NFE2L2: variants seen among roughly 807,000 people sequenced by gnomAD.
NFE2L2 encodes nuclear factor erythroid 2-related factor 2.
In NFE2L2, 20 loss-of-function variants were observed where a neutral mutation model predicts 49.6. The ratio of observed to expected loss-of-function variants is 0.40; its 90% confidence interval spans 0.28 to 0.59. NFE2L2 has a LOEUF of 0.59. NFE2L2 is among the 20% of genes least tolerant of loss of function. The probability of loss-of-function intolerance (pLI) is 0.40; values close to 1 mark genes in which losing one functional copy is unlikely to be tolerated. For synonymous variants in NFE2L2, 244 were observed against 256.5 expected (o/e 0.95, Z 0.47); for missense variants, 578 against 714.2 (o/e 0.81, Z 2.17).
chr2:177,239,949 TAAAAAA>T (rs57941264), intron 1 of NFE2L2, among the ~76,000 whole-genome samples: 2 of 135,438 alleles, frequency 1.5e-5, no homozygotes, highest in African/African-American at 2.7e-5. Context: ...AGCTTTATGT[TAAAAAA>T]AAAAAAAAAA....
At chr2:177,251,339 T>G (rs1690330388) in intron 1 of NFE2L2, among the ~76,000 whole-genome samples, 1 of 152,198 alleles carries the variant, frequency 6.6e-6, no homozygotes, top group African/African-American at 2.4e-5. Flanking sequence ...GCATTCCCAC[T>G]TTCTACAAAC....
chr2:177,263,426 T>TC, intron 1 of NFE2L2: 7 of 985,468 alleles, frequency 7.1e-6, no homozygotes, highest in Non-Finnish European at 8.4e-6. Flanking sequence ...GAAGAGAATA[T>TC]CCCGTCTTAC....
At chr2:177,256,928 A>G (rs889254945) in intron 1 of NFE2L2, among the ~76,000 whole-genome samples, 1 of 152,220 alleles carries the variant, frequency 6.6e-6, no homozygotes, top group African/African-American at 2.4e-5. Flanking sequence ...AAGCCCCCCA[A>G]CCACCACCAC....
At chr2:177,233,383 T>C in intron 2 of NFE2L2, 44 bp from the exon 3 acceptor site, 1 of 1,412,978 alleles carries the variant, frequency 7.1e-7, no homozygotes, top group Non-Finnish European at 9.9e-7. Flanking sequence ...AATGGTTAAA[T>C]ATTCCATTGC....
intron 1 of NFE2L2, among the ~76,000 whole-genome samples, chr2:177,248,615 G>A (rs1032452596): frequency 3.3e-5 from 5 of 152,138 alleles, no homozygotes; most frequent in African/African-American, 9.7e-5. Context: ...CTCCATGTTG[G>A]TCAGGCTGGT....
At chr2:177,252,403 A>G (rs2105483782) in intron 1 of NFE2L2, among the ~76,000 whole-genome samples, 1 of 152,308 alleles carries the variant, frequency 6.6e-6, no homozygotes, top group East Asian at 1.9e-4. Flanking sequence ...GCTCACAGGA[A>G]AAGCTCATAG....
At chr2:177,256,678 T>TA (rs1419221106) in intron 1 of NFE2L2, among the ~76,000 whole-genome samples, 4 of 152,162 alleles carry the variant, frequency 2.6e-5, no homozygotes, top group Non-Finnish European at 4.4e-5. Context: ...TTCAAAATCT[T>TA]AAAGCAACAA....
At chr2:177,244,899 A>G (rs937777495) in intron 1 of NFE2L2, among the ~76,000 whole-genome samples, 2 of 145,804 alleles carry the variant, frequency 1.4e-5, no homozygotes, top group African/African-American at 5.1e-5. Context: ...GCTACTTGGG[A>G]GGCTGAGGCA....
chr2:177,231,399 C>A lies in NFE2L2; in HGVS notation c.1204G>T (p.Asp402Tyr), dbSNP rs749922065. ...GPKTPVHSSGDMVQPLSPSQG... is the reference protein window; with the variant it reads ...GPKTPVHSSGYMVQPLSPSQG... ...GATGGTGACAAGGGTTGTACCATAT[C>A]CCCAGAAGAATGTACTGGTGTTTTA... The change falls in exon 5 of 5, where the codon GAT becomes TAT. Residue 402 changes from aspartate to tyrosine, a missense_variant. Asp to Tyr is a radical substitution (Grantham distance 160, BLOSUM62 -3). This residue lies in a region of NFE2L2 where 368 missense variants were observed against 384.6 expected (regional missense o/e 0.96). Coordinates refer to ENST00000397062, the MANE Select transcript of NFE2L2 (RefSeq NM_006164.5). 2 of 1,614,120 alleles carry A rather than the reference C, an allele frequency of 1.2e-6. No homozygotes were observed. The highest frequency in any genetic ancestry group is 8.5e-7 in the Non-Finnish European group (1 of 1,180,046).
intron 1 of NFE2L2, among the ~76,000 whole-genome samples, chr2:177,251,666 G>T (rs988983423): frequency 5.9e-5 from 9 of 152,104 alleles, no homozygotes; most frequent in South Asian, 2.1e-4. Flanking sequence ...AGAATGAGAG[G>T]TTTATAGCAA....
At chr2:177,232,050 T>C in intron 4 of NFE2L2, 42 bp from the exon 5 acceptor site, 1 of 1,517,818 alleles carries the variant, frequency 6.6e-7, no homozygotes. Flanking sequence ...TCAAAGTTAA[T>C]CCATGATAAT....
intron 1 of NFE2L2, among the ~76,000 whole-genome samples, chr2:177,243,997 T>TA (rs1207694039): frequency 0.025 from 3,581 of 140,884 alleles, 91 homozygotes; most frequent in African/African-American, 0.065. Flanking sequence ...CACTTAGCTT[T>TA]AAAAAAAAAA....
chr2:177,261,901 G>A (rs1029079448), intron 1 of NFE2L2, among the ~76,000 whole-genome samples: 1 of 152,076 alleles, frequency 6.6e-6, no homozygotes, highest in African/African-American at 2.4e-5. Flanking sequence ...GTACTTGTTG[G>A]GTTCCTTTTT....
chr2:177,251,778 G>C (rs1690348198), intron 1 of NFE2L2, among the ~76,000 whole-genome samples: 1 of 152,064 alleles, frequency 6.6e-6, no homozygotes, highest in South Asian at 2.1e-4. Flanking sequence ...GGCCGAGGTG[G>C]GCGGATCACG....
chr2:177,241,830 G>A lies in NFE2L2; in HGVS notation c.46-7559C>T, dbSNP rs549488232. ...TGATCATGTACTGCCCTCCAGCCCT[G>A]TCTTAAAACAAAACAAAAGCAAAAA... On this transcript the variant is annotated intron_variant, in intron 1 of 4. Transcript: ENST00000397062. Among the ~76,000 whole-genome samples, 8 of 152,292 alleles carry A rather than the reference G, an allele frequency of 5.3e-5. No individual in the cohort carries two copies. The South Asian group carries it at 1.7e-3, about 32-fold the overall frequency.
intron 1 of NFE2L2, among the ~76,000 whole-genome samples, chr2:177,247,538 A>G (rs1690175306): frequency 6.6e-6 from 1 of 151,946 alleles, no homozygotes. Context: ...GCGGGAGCCT[A>G]TAATCTCAGC....
chr2:177,236,948 G>C (rs1253097890), intron 1 of NFE2L2, among the ~76,000 whole-genome samples: 1 of 151,904 alleles, frequency 6.6e-6, no homozygotes, highest in Admixed American at 6.6e-5. Flanking sequence ...GCTCACTGCA[G>C]CCTTCACCTG....
chr2:177,263,967 CGG>C, intron 1 of NFE2L2: 2 of 984,254 alleles, frequency 2.0e-6, no homozygotes, highest in South Asian at 9.4e-5. Flanking sequence ...GACGGCCCAG[CGG>C]GGTGAGCGCG....
chr2:177,236,238 CCAGCCTGGAGGCAGCG>C (rs1206680207), intron 1 of NFE2L2, among the ~76,000 whole-genome samples: 1 of 152,242 alleles, frequency 6.6e-6, no homozygotes, highest in African/African-American at 2.4e-5. Flanking sequence ...AGCAGGCCAC[CCAGCCTGGAGGCAGCG>C]CAGCTAGCTA....
Sources: allele counts gnomAD v4.1 joint callset (sites outside exome capture counted in the v4.1 genomes callset), GRCh38; gene constraint gnomAD v4.1.1; regional missense constraint gnomAD v4.1.1; transcripts MANE v1.5; gene names NCBI Gene and HGNC (gene_info 2026-07-23, HGNC 2026-07-21).